MACROD2: variants seen among roughly 807,000 people sequenced by gnomAD.
MACROD2 encodes mono-ADP ribosylhydrolase 2, also known as ADP-ribose glycohydrolase MACROD2.
In MACROD2, 36 loss-of-function variants were observed where a neutral mutation model predicts 70.4. That is an observed-to-expected ratio of 0.51 (90% CI 0.39 to 0.68). The LOEUF (loss-of-function observed/expected upper bound fraction) is 0.68, where lower values mean the gene tolerates loss of function less well. MACROD2 is among the 30% of genes least tolerant of loss of function. The probability of loss-of-function intolerance (pLI) is 0.00; values close to 1 mark genes in which losing one functional copy is unlikely to be tolerated. For missense variants in MACROD2, 496 were observed against 538.4 expected, an observed-to-expected ratio of 0.92 and a Z score of 0.78; for synonymous variants, 172 against 178.8, an observed-to-expected ratio of 0.96 and a Z score of 0.30.
chr20:14,718,258 A>C (rs2071419754), intron 5 of MACROD2, among the ~76,000 whole-genome samples: 1 of 126,612 alleles, frequency 7.9e-6, no homozygotes, highest in Non-Finnish European at 1.6e-5. Flanking sequence ...ACACCACTGC[A>C]CTCCAGCCTG....
At chr20:14,726,368 T>C (rs2071530248) in intron 5 of MACROD2, among the ~76,000 whole-genome samples, 1 of 152,174 alleles carries the variant, frequency 6.6e-6, no homozygotes, top group Non-Finnish European at 1.5e-5. Flanking sequence ...GCTTGATGCT[T>C]TTCAGGGCAC....
intron 13 of MACROD2, among the ~76,000 whole-genome samples, chr20:15,981,200 T>A (rs1306027352): frequency 1.3e-5 from 2 of 152,082 alleles, no homozygotes; most frequent in Admixed American, 6.5e-5. Context: ...TATAACCTGG[T>A]AGGGTCAGGC....
intron 8 of MACROD2, among the ~76,000 whole-genome samples, chr20:15,847,218 A>G (rs762856924): frequency 3.9e-5 from 6 of 152,196 alleles, no homozygotes; most frequent in Non-Finnish European, 8.8e-5. Context: ...TTTTTAATGA[A>G]TAAATCATTC....
rs1172400127 is a variant in MACROD2, at chr20:14,051,800, G to A, written c.164-33821G>A. On this transcript the variant is annotated intron_variant, in intron 2 of 17. Coordinates refer to ENST00000684519, the MANE Select transcript of MACROD2 (RefSeq NM_001351661.2). ...AGTAACATGTAAGTATAATCACAGA[G>A]GTTTGTAGTGGTATTCTGGACCACT... 71 of 460,012 alleles carry A rather than the reference G, an allele frequency of 1.5e-4. No individual in the cohort carries two copies. The Admixed American group carries it at 1.6e-3, about 10-fold the overall frequency. The allele number at this position is 460,012 out of a possible 1,614,324, so 28.5% of individuals were successfully genotyped here.
intron 4 of MACROD2, among the ~76,000 whole-genome samples, chr20:14,568,202 G>C (rs1487970987): frequency 6.6e-6 from 1 of 151,974 alleles, no homozygotes; most frequent in East Asian, 1.9e-4. Flanking sequence ...AGAGTATTTT[G>C]ATCAGTTTTA....
At chr20:15,357,424 T>C (rs532614263) in intron 6 of MACROD2, among the ~76,000 whole-genome samples, 82 of 152,146 alleles carry the variant, frequency 5.4e-4, no homozygotes, top group South Asian at 1.7e-3. Context: ...TTTTGCTTTT[T>C]GAAATTTTGA....
chr20:15,038,385 C>CCTCATTTTTTTTTTTTTTTTTT (rs2075330349), intron 5 of MACROD2, among the ~76,000 whole-genome samples: 2 of 152,066 alleles, frequency 1.3e-5, no homozygotes, highest in South Asian at 2.1e-4. Context: ...TTGTAAATGA[C>CCTCATTTTTTTTTTTTTTTTTT]GTTTTATTTA....
At chr20:15,181,279 G>A (rs2076498696) in intron 5 of MACROD2, among the ~76,000 whole-genome samples, 2 of 152,184 alleles carry the variant, frequency 1.3e-5, no homozygotes, top group African/African-American at 2.4e-5. Context: ...AGTGGGCCTT[G>A]CCATTTAAAC....
intron 15 of MACROD2, among the ~76,000 whole-genome samples, chr20:16,028,319 G>C (rs1366638610): frequency 6.6e-6 from 1 of 152,078 alleles, no homozygotes; most frequent in Non-Finnish European, 1.5e-5. Context: ...AACTCCATGA[G>C]GGCAGAGGTG....
chr20:14,335,830 T>C (rs2082926105), intron 3 of MACROD2, among the ~76,000 whole-genome samples: 1 of 152,218 alleles, frequency 6.6e-6, no homozygotes, highest in Admixed American at 6.6e-5. Flanking sequence ...TGTAACTCTG[T>C]TTTTATTTCA....
intron 3 of MACROD2, among the ~76,000 whole-genome samples, chr20:14,104,365 C>T (rs547115162): frequency 6.6e-6 from 1 of 152,170 alleles, no homozygotes; most frequent in Non-Finnish European, 1.5e-5. Context: ...AGGAGCAACA[C>T]ACGCTGAATG....
chr20:15,677,269 C>T (rs2050071269), intron 8 of MACROD2, among the ~76,000 whole-genome samples: 1 of 151,966 alleles, frequency 6.6e-6, no homozygotes, highest in Non-Finnish European at 1.5e-5. Flanking sequence ...GCTCTCTTTC[C>T]TACTGTTCTG....
At chr20:15,761,393 T>C (rs2051433604) in intron 8 of MACROD2, among the ~76,000 whole-genome samples, 2 of 152,172 alleles carry the variant, frequency 1.3e-5, no homozygotes, top group African/African-American at 4.8e-5. Flanking sequence ...ATAAGCTAAA[T>C]TATTATCACT....
chr20:14,001,513 G>A (rs1406896474), intron 1 of MACROD2, among the ~76,000 whole-genome samples: 1 of 151,478 alleles, frequency 6.6e-6, no homozygotes, highest in South Asian at 2.1e-4. Context: ...ACCTGTCTTA[G>A]CATTTTATTT....
At chr20:15,365,958 T>G (rs2045403081) in intron 6 of MACROD2, among the ~76,000 whole-genome samples, 2 of 152,092 alleles carry the variant, frequency 1.3e-5, no homozygotes, top group Admixed American at 6.6e-5. Flanking sequence ...GATTCCAGAG[T>G]GATTGTTCAT....
At chr20:15,886,237 G>A (rs746547027) in intron 10 of MACROD2, among the ~76,000 whole-genome samples, 4 of 152,164 alleles carry the variant, frequency 2.6e-5, no homozygotes, top group South Asian at 2.1e-4. Flanking sequence ...TGTCTGTCTA[G>A]TGATTGATCT....
intron 4 of MACROD2, among the ~76,000 whole-genome samples, chr20:14,653,117 C>T (rs1036738351): frequency 6.6e-6 from 1 of 152,002 alleles, no homozygotes; most frequent in African/African-American, 2.4e-5. Context: ...ATGGCGTGAT[C>T]ATGGCTCACT....
chr20:15,571,890 T>A (rs1900355226), intron 8 of MACROD2, among the ~76,000 whole-genome samples: 1 of 152,086 alleles, frequency 6.6e-6, no homozygotes, highest in Non-Finnish European at 1.5e-5. Context: ...TGTAATTTTT[T>A]TAAAAAGTGT....
chr20:14,566,894 A>G (rs1234921741), intron 4 of MACROD2: 1 of 152,030 alleles, frequency 6.6e-6, no homozygotes, highest in Non-Finnish European at 1.5e-5. Flanking sequence ...GTCTTTTTAA[A>G]GCAATCTCAC....
Sources: gnomAD v4.1 joint callset for allele counts (sites outside exome capture counted in the v4.1 genomes callset) on GRCh38, gnomAD v4.1.1 for gene constraint, MANE v1.5 for transcripts, NCBI Gene and HGNC (gene_info 2026-07-23, HGNC 2026-07-21) for gene names.